NAV2: variants seen among roughly 807,000 people sequenced by gnomAD.
NAV2 encodes helicase, APC down-regulated 1.
In NAV2, 54 loss-of-function variants were observed where a neutral mutation model predicts 223.2. The observed-to-expected ratio is 0.24, with a 90% confidence interval of 0.19 to 0.30. NAV2 has a LOEUF of 0.30. NAV2 is among the 10% of genes least tolerant of loss of function. NAV2 has a pLI of 1.00. For synonymous variants in NAV2, 1,279 were observed against 1,239.3 expected (o/e 1.03, Z -0.67); for missense variants, 2,806 against 3,147.5 (o/e 0.89, Z 2.60).
At chr11:19,501,134 T>G (rs1166453631) in intron 1 of NAV2, among the ~76,000 whole-genome samples, 1 of 152,150 alleles carries the variant, frequency 6.6e-6, no homozygotes, top group Non-Finnish European at 1.5e-5. Context: ...TCATCTGTAA[T>G]CACATCTCTC....
intron 1 of NAV2, among the ~76,000 whole-genome samples, chr11:19,644,710 G>C (rs1018443108): frequency 6.6e-6 from 1 of 152,226 alleles, no homozygotes; most frequent in Non-Finnish European, 1.5e-5. Context: ...ATTCAGAACT[G>C]GTTGGGGTGT....
At chr11:19,474,221 A>G (rs967965897) in intron 1 of NAV2, among the ~76,000 whole-genome samples, 3 of 152,212 alleles carry the variant, frequency 2.0e-5, no homozygotes, top group African/African-American at 7.2e-5. Context: ...CTGAAGAAAT[A>G]CTTGTAAATG....
chr11:19,438,660 TG>T (rs954211940), intron 1 of NAV2, among the ~76,000 whole-genome samples: 5 of 152,228 alleles, frequency 3.3e-5, no homozygotes, highest in African/African-American at 1.2e-4. Context: ...TTTGATAATT[TG>T]CTAGAATGGC....
chr11:19,892,147 T>A (rs1411682502), intron 5 of NAV2, among the ~76,000 whole-genome samples: 1 of 152,148 alleles, frequency 6.6e-6, no homozygotes, highest in Non-Finnish European at 1.5e-5. Context: ...TTAGCAGAGA[T>A]GGGGTTTTGC....
intron 1 of NAV2, among the ~76,000 whole-genome samples, chr11:19,602,549 T>C (rs2046376801): frequency 6.6e-6 from 1 of 152,182 alleles, no homozygotes; most frequent in African/African-American, 2.4e-5. Flanking sequence ...ACAAACTTGG[T>C]GACTTAAGAC....
intron 1 of NAV2, among the ~76,000 whole-genome samples, chr11:19,424,982 T>G (rs1216809110): frequency 6.6e-6 from 1 of 152,222 alleles, no homozygotes; most frequent in African/African-American, 2.4e-5. Context: ...TCATTTATTC[T>G]TCCATTCAGT....
intron 1 of NAV2, among the ~76,000 whole-genome samples, chr11:19,646,524 GT>G (rs1274345445): frequency 6.6e-6 from 1 of 152,172 alleles, no homozygotes; most frequent in African/African-American, 2.4e-5. Flanking sequence ...GTGTGGTGAT[GT>G]TTACCAGGTG....
At chr11:19,393,906 C>CTTT (rs5790073) in intron 1 of NAV2, among the ~76,000 whole-genome samples, 83,562 of 135,380 alleles carry the variant, frequency 0.62, 28,242 homozygotes, top group Admixed American at 0.75. Context: ...TTTTTTTTTT[C>CTTT]TTTTTTTTTT....
chr11:19,801,461 T>A (rs1369162586), intron 1 of NAV2, among the ~76,000 whole-genome samples: 1 of 152,272 alleles, frequency 6.6e-6, no homozygotes, highest in Non-Finnish European at 1.5e-5. Flanking sequence ...GTGTCCTCAC[T>A]GCCTCCCACT....
intron 1 of NAV2, among the ~76,000 whole-genome samples, chr11:19,600,858 C>T (rs2046333079): frequency 6.6e-6 from 1 of 152,140 alleles, no homozygotes; most frequent in African/African-American, 2.4e-5. Context: ...GTTTTATAGC[C>T]AGCAAATGGT....
chr11:19,738,117 C>G (rs1004082867), intron 1 of NAV2, among the ~76,000 whole-genome samples: 1 of 152,226 alleles, frequency 6.6e-6, no homozygotes, highest in Non-Finnish European at 1.5e-5. Flanking sequence ...CTGGGGAGGC[C>G]TCCTTCCCTG....
intron 11 of NAV2, among the ~76,000 whole-genome samples, chr11:19,994,932 T>A (rs1162016925): frequency 6.6e-6 from 1 of 152,254 alleles, no homozygotes; most frequent in Non-Finnish European, 1.5e-5. Flanking sequence ...GTGACTACTC[T>A]CTGTCCTCTA....
chr11:19,413,297 A>G (rs1164699863), intron 1 of NAV2, among the ~76,000 whole-genome samples: 1 of 152,188 alleles, frequency 6.6e-6, no homozygotes, highest in African/African-American at 2.4e-5. Context: ...TCAATACCCA[A>G]ATCAATCAAG....
At chr11:19,478,043 C>T (rs2042169990) in intron 1 of NAV2, among the ~76,000 whole-genome samples, 1 of 152,176 alleles carries the variant, frequency 6.6e-6, no homozygotes, top group Non-Finnish European at 1.5e-5. Context: ...AGAAAGCTAT[C>T]CTATAGCCTT....
At chr11:19,476,099 C>G (rs1045270839) in intron 1 of NAV2, among the ~76,000 whole-genome samples, 15 of 152,136 alleles carry the variant, frequency 9.9e-5, no homozygotes, top group Admixed American at 2.0e-4. Context: ...CTCAGCCTCC[C>G]GAGTAGCTGG....
At chr11:19,572,915 G>A in intron 1 of NAV2, among the ~76,000 whole-genome samples, 1 of 152,162 alleles carries the variant, frequency 6.6e-6, no homozygotes, top group East Asian at 1.9e-4. Flanking sequence ...AGTTTGCCAA[G>A]GACCGCTTTC....
chr11:19,800,443 C>T (rs1246430691), intron 1 of NAV2, among the ~76,000 whole-genome samples: 1 of 152,178 alleles, frequency 6.6e-6, no homozygotes, highest in Non-Finnish European at 1.5e-5. Flanking sequence ...AGAAAAACTT[C>T]ATTCTCTTCA....
intron 9 of NAV2, among the ~76,000 whole-genome samples, chr11:19,948,103 G>A (rs181606508): frequency 1.3e-5 from 2 of 151,738 alleles, no homozygotes; most frequent in Non-Finnish European, 2.9e-5. Flanking sequence ...TTTGCCGGGG[G>A]GGATGGAGTC....
At chr11:19,508,689 A>C (rs1232687363) in intron 1 of NAV2, among the ~76,000 whole-genome samples, 1 of 152,200 alleles carries the variant, frequency 6.6e-6, no homozygotes. Flanking sequence ...ACTTAATCAG[A>C]ATTTTAATTA....
Sources: allele counts gnomAD v4.1 joint callset (sites outside exome capture counted in the v4.1 genomes callset), GRCh38; gene constraint gnomAD v4.1.1; transcripts MANE v1.5; gene names NCBI Gene and HGNC (gene_info 2026-07-23, HGNC 2026-07-21).